TMEM130: variants seen among roughly 807,000 people sequenced by gnomAD.
TMEM130 encodes the protein transmembrane protein 130.
Under a neutral mutation model 42.9 loss-of-function variants are expected in TMEM130, and 37 were observed. That is an observed-to-expected ratio of 0.86 (90% confidence interval 0.66 to 1.13). The LOEUF (loss-of-function observed/expected upper bound fraction) is 1.13, where lower values mean the gene tolerates loss of function less well. TMEM130 is among the 50% of genes most tolerant of loss of function. The pLI, the probability that TMEM130 is intolerant of heterozygous loss-of-function variation, is 0.00. For missense variants in TMEM130, 545 were observed against 562.6 expected, an observed-to-expected ratio of 0.97 and a Z score of 0.32; for synonymous variants, 259 against 237.7, an observed-to-expected ratio of 1.09 and a Z score of -0.82.
intron 5 of TMEM130, among the ~76,000 whole-genome samples, chr7:98,852,657 C>T (rs782383253): frequency 3.9e-5 from 6 of 151,942 alleles, no homozygotes; most frequent in South Asian, 2.1e-4. Flanking sequence ...TGCAGTGGTG[C>T]GATCTCCGCT....
chr7:98,849,509 T>C (rs1195654561), intron 6 of TMEM130, among the ~76,000 whole-genome samples: 1 of 152,054 alleles, frequency 6.6e-6, no homozygotes, highest in Non-Finnish European at 1.5e-5. Flanking sequence ...CCCCAGAGGG[T>C]GCTGAGAGAT....
intron 3 of TMEM130, among the ~76,000 whole-genome samples, chr7:98,858,115 GTTTA>G (rs1454230948): frequency 1.3e-4 from 20 of 150,054 alleles, no homozygotes; most frequent in Admixed American, 1.2e-3. Context: ...TCTTTTTCTA[GTTTA>G]TTTATATTAC....
intron 7 of TMEM130, 123 bp downstream of exon 7, chr7:98,848,460 C>T (rs1794413386): frequency 1.3e-5 from 11 of 815,878 alleles, no homozygotes; most frequent in Non-Finnish European, 2.2e-5. Context: ...CACCCCAAGT[C>T]CCGGAGCCTC....
intron 5 of TMEM130, 122 bp downstream of exon 5, chr7:98,855,118 C>G: frequency 1.4e-6 from 1 of 701,030 alleles, no homozygotes; most frequent in South Asian, 2.7e-5. Flanking sequence ...CAAAGTGGCA[C>G]TGCCCTTCCA....
chr7:98,859,651 G>T (rs1342328841), intron 3 of TMEM130, among the ~76,000 whole-genome samples: 6 of 152,212 alleles, frequency 3.9e-5, no homozygotes, highest in South Asian at 4.2e-4. Context: ...AAGGTGGGAG[G>T]ATCACTTGAG....
rs782544064 is a variant in TMEM130, at chr7:98,869,879, G to C, written c.-18C>G. 8.2e-5 allele frequency: 110 copies of C among 1,342,986 alleles called. No homozygotes were observed. Among genetic ancestry groups the C allele is most frequent in the Non-Finnish European group, 1.0e-4 (107 of 1,045,104 alleles). The allele number at this position is 1,342,986 out of a possible 1,614,324, so 83.2% of individuals were successfully genotyped here. A position where few individuals can be genotyped will look rare whatever the true frequency, so the allele number is the denominator to read the frequency against. ...TGGGCCATTGCGGGGCCCGGAGCGG[G>C]AGAAGCGTGGGGCGGACGCGGAGGG... On this transcript the variant is annotated 5_prime_UTR_variant, in exon 1 of 8. Transcript: ENST00000339375. This position sits in a 1 kb window ranked among gnomAD's most constrained non-coding sequence, Gnocchi z 4.7.
Position 98,851,545 on chromosome 7 carries a change from C to T in TMEM130, c.882G>A (p.Val294=). The part of the protein sequence containing the change: ...LEEGECHPVS[V]ASTAYNLTHT... ...GGGTCAGGTTGTACGCTGTGCTGGCCACGGACACAGGGTGGCACTCCCCTT... is the reference window on the plus strand; with the variant it reads ...GGGTCAGGTTGTACGCTGTGCTGGCTACGGACACAGGGTGGCACTCCCCTT... Residue 294 remains valine (V), a synonymous_variant, in exon 6 of 8, where the codon GTG becomes GTA. Coordinates refer to ENST00000339375, the MANE Select transcript of TMEM130 (RefSeq NM_152913.3). The T allele has an allele frequency of 1.2e-6, 2 of 1,614,086 alleles. No homozygotes were observed. Among genetic ancestry groups the T allele is most frequent in the Non-Finnish European group, 1.7e-6 (2 of 1,180,032 alleles).
chr7:98,848,239 A>T (rs1554397677), intron 7 of TMEM130, 31 bp from the exon 8 acceptor site: 19 of 1,613,574 alleles, frequency 1.2e-5, no homozygotes, highest in Non-Finnish European at 1.6e-5. Context: ...AGTCAAAATC[A>T]GCCACCTATG....
chr7:98,863,057 G>T, intron 2 of TMEM130, 38 bp downstream of exon 2: 1 of 1,580,976 alleles, frequency 6.3e-7, no homozygotes, highest in South Asian at 1.2e-5. Flanking sequence ...CTGCACCAAG[G>T]GTTTGAAGGC....
At chr7:98,859,518 C>T (rs1234426501) in intron 3 of TMEM130, among the ~76,000 whole-genome samples, 2 of 152,066 alleles carry the variant, frequency 1.3e-5, no homozygotes, top group Non-Finnish European at 2.9e-5. Flanking sequence ...CCGGGACCCC[C>T]AGTCGTGGCA....
At chr7:98,865,500 C>T (rs533385098) in intron 1 of TMEM130, among the ~76,000 whole-genome samples, 10 of 152,192 alleles carry the variant, frequency 6.6e-5, no homozygotes, top group Non-Finnish European at 4.4e-5. Context: ...CACAGCTACT[C>T]GGGAGACTGA....
rs1157267992 is a variant in TMEM130 at position 98,847,455 on chromosome 7, T to G, written c.*601A>C. On this transcript the variant is annotated 3_prime_UTR_variant, in exon 8 of 8. Transcript: ENST00000339375. Reference sequence around the variant, plus strand: ...CATCCCAGCAACCGACTTAACCAGATACAGAGCTGATCATCTGAAATGCCC... The same window carrying G: ...CATCCCAGCAACCGACTTAACCAGAGACAGAGCTGATCATCTGAAATGCCC... 1 of 152,166 alleles carries G rather than the reference T, an allele frequency of 6.6e-6. No homozygotes were observed. Among genetic ancestry groups the G allele is most frequent in the Non-Finnish European group, 1.5e-5 (1 of 68,152 alleles). The allele number at this position is 152,166 out of a possible 1,614,324, so 9.4% of individuals were successfully genotyped here. A position where few individuals can be genotyped will look rare whatever the true frequency, so the allele number is the denominator to read the frequency against.
At position 98,863,125 on chromosome 7, in the gene TMEM130, C is replaced by A; in HGVS notation, c.361G>T (p.Ala121Ser). Residue 121 changes from alanine to serine, a missense_variant, in exon 2 of 8, where the codon GCC (alanine) becomes TCC (serine). Transcript: ENST00000339375. ...ATGGGGAGGACCACAAAGCCCCTGG[C>A]CACAGGCTGGCACATCCAGCAGTCA... is the stretch of plus-strand genomic sequence containing the variant. ...AADCWMCQPV[A>S]RGFVVLPITE... 6.2e-7 allele frequency: 1 copy of A among 1,613,664 alleles called. No individual in the cohort carries two copies. The highest frequency in any genetic ancestry group is 8.5e-7 in the Non-Finnish European group (1 of 1,179,970).
rs77433797 is a variant in TMEM130 at position 98,856,030 on chromosome 7, C to T, written c.705G>A (p.Ser235=). 6.8e-6 allele frequency: 11 copies of T among 1,613,006 alleles called. No homozygotes were observed. Among genetic ancestry groups the T allele is most frequent in the Admixed American group, 5.0e-5 (3 of 60,000 alleles). The change falls in exon 4 of 8, where the codon TCG becomes TCA. Residue 235 remains serine, a synonymous_variant. Coordinates refer to ENST00000339375, the MANE Select transcript of TMEM130 (RefSeq NM_152913.3). ...CTGGACACCCACCCTGCAGCTTCAGCGAGGCGGAGAAGTCCCCGGTCTTCT... is the reference window on the plus strand; with the variant it reads ...CTGGACACCCACCCTGCAGCTTCAGTGAGGCGGAGAAGTCCCCGGTCTTCT... ...VKQKTGDFSA[S]LKLQETLRGI...
chr7:98,854,082 G>T (rs1385437782), intron 5 of TMEM130, among the ~76,000 whole-genome samples: 1 of 149,156 alleles, frequency 6.7e-6, no homozygotes, highest in African/African-American at 2.5e-5. Flanking sequence ...CTGTCGCCCA[G>T]GCTGGAGTGC....
At chr7:98,868,944 T>G (rs548122453) in intron 1 of TMEM130, among the ~76,000 whole-genome samples, 1 of 152,306 alleles carries the variant, frequency 6.6e-6, no homozygotes, top group East Asian at 1.9e-4. Flanking sequence ...TCATGGTTTT[T>G]CTTTCACAAA....
chr7:98,868,633 C>T (rs1042638562), intron 1 of TMEM130, among the ~76,000 whole-genome samples: 2 of 152,120 alleles, frequency 1.3e-5, no homozygotes, highest in East Asian at 1.9e-4. Context: ...AAAGTCTCCC[C>T]GACGGGTGAG....
chr7:98,854,504 CAAG>C (rs1794583639), intron 5 of TMEM130, among the ~76,000 whole-genome samples: 1 of 152,170 alleles, frequency 6.6e-6, no homozygotes, highest in South Asian at 2.1e-4. Context: ...TTGGGGAGGC[CAAG>C]CTGGGAGGAT....
In TMEM130 at chr7:98,869,492, C is replaced by G. The variant is rs1255882090; in HGVS notation, c.85+285G>C. 3.6e-5 allele frequency: 27 copies of G among 757,160 alleles called. No homozygotes were observed. Among genetic ancestry groups the G allele is most frequent in the Non-Finnish European group, 3.9e-5 (24 of 621,222 alleles). The allele number at this position is 757,160 out of a possible 1,614,324, so 46.9% of individuals were successfully genotyped here. On this transcript the variant is annotated intron_variant, in intron 1 of 7. Coordinates refer to ENST00000339375, the MANE Select transcript of TMEM130 (RefSeq NM_152913.3). This position sits in a 1 kb window ranked among gnomAD's most constrained non-coding sequence, Gnocchi z 4.7. ...GGTCCCCAGGCATCGACGGATGCGC[C>G]GGCCACCCCCGCGCGGTTTCCAGGG...
Sources: allele counts gnomAD v4.1 joint callset (sites outside exome capture counted in the v4.1 genomes callset), GRCh38; gene constraint gnomAD v4.1.1; non-coding constraint Gnocchi (gnomAD v3.1); transcripts MANE v1.5; gene names NCBI Gene and HGNC (gene_info 2026-07-23, HGNC 2026-07-21).